Variants in TRIOBP observed in about 807,000 individuals in gnomAD.
TRIOBP encodes the protein TRIO and F-actin-binding protein.
Under a neutral mutation model 238.8 loss-of-function variants are expected in TRIOBP, and 169 were observed. The observed-to-expected ratio is 0.71, with a 90% CI of 0.62 to 0.80. The LOEUF (loss-of-function observed/expected upper bound fraction) is 0.80. TRIOBP is among the 30% of genes least tolerant of loss of function. The pLI is 0.00. For missense variants in TRIOBP, 2,838 were observed against 3,122.6 expected (o/e 0.91, Z 2.17); for synonymous variants, 1,150 against 1,274.4 (o/e 0.90, Z 2.08).
chr22:37,702,937 C>G (rs996970780), intron 3 of TRIOBP, among the ~76,000 whole-genome samples: 3 of 152,168 alleles, frequency 2.0e-5, no homozygotes, highest in Middle Eastern at 3.4e-3. Context: ...GACACTGCAC[C>G]TGGTCTCAAG....
Position 37,710,456 on chromosome 22 carries a change from G to C in TRIOBP, c.144G>C (p.Val48=), listed in dbSNP as rs1349024140. 8 of 1,613,314 alleles carry C rather than the reference G, an allele frequency of 5.0e-6. No individual in the cohort carries two copies. The highest frequency in any genetic ancestry group is 6.8e-6 in the Non-Finnish European group (8 of 1,180,014). ...QELRSPSGAE[V]PYCDLPRCPP... is the part of the protein sequence containing the mutation. Reference sequence around the variant, plus strand: ...TCAGGAGCCCTTCAGGTGCTGAGGTGCCCTACTGCGACCTGCCTCGATGTC... The same window carrying C: ...TCAGGAGCCCTTCAGGTGCTGAGGTCCCCTACTGCGACCTGCCTCGATGTC... Residue 48 remains valine, a synonymous_variant, in exon 4 of 24, where the codon GTG becomes GTC. Coordinates refer to ENST00000644935, the MANE Select transcript of TRIOBP (RefSeq NM_001039141.3).
intron 11 of TRIOBP, chr22:37,746,480 A>T: frequency 7.5e-7 from 1 of 1,336,764 alleles, no homozygotes; most frequent in South Asian, 1.4e-5. Flanking sequence ...GACCCGAGGC[A>T]GAGCCCAGCC....
chr22:37,772,230 G>T (rs1316459476), intron 22 of TRIOBP, among the ~76,000 whole-genome samples: 1 of 152,172 alleles, frequency 6.6e-6, no homozygotes, highest in Non-Finnish European at 1.5e-5. Flanking sequence ...CATGTTGGTG[G>T]CTCTGTAAGT....
intron 11 of TRIOBP, 75 bp from the exon 12 acceptor site, chr22:37,751,697 G>C (rs762538429): frequency 1.2e-5 from 19 of 1,545,940 alleles, no homozygotes; most frequent in Non-Finnish European, 1.8e-6. Context: ...CAGGGTGGGT[G>C]CAGCACGCTC....
At chr22:37,746,395 C>T (rs1925267144) in intron 11 of TRIOBP, 2 of 1,403,574 alleles carry the variant, frequency 1.4e-6, no homozygotes, top group East Asian at 3.2e-5. Context: ...CTCCTGCTCC[C>T]GCCGCCCTGG....
chr22:37,770,066 CAG>C (rs983770377), intron 21 of TRIOBP, among the ~76,000 whole-genome samples: 118 of 144,800 alleles, frequency 8.1e-4, no homozygotes, highest in Non-Finnish European at 1.3e-3. Flanking sequence ...TTTTTTGAGA[CAG>C]AGTTTTGCTG....
At chr22:37,702,196 C>A (rs561556156) in intron 3 of TRIOBP, among the ~76,000 whole-genome samples, 1 of 152,090 alleles carries the variant, frequency 6.6e-6, no homozygotes, top group East Asian at 1.9e-4. Flanking sequence ...AGAGTGTTTT[C>A]TTTTTCTTTT....
chr22:37,747,152 A>C (rs1925325649), intron 11 of TRIOBP, among the ~76,000 whole-genome samples: 1 of 151,350 alleles, frequency 6.6e-6, no homozygotes, highest in Non-Finnish European at 1.5e-5. Flanking sequence ...TGAGCCTCAC[A>C]GCTGGGTTCG....
In TRIOBP at chr22:37,746,601, C is replaced by T. The variant is rs552561160; in HGVS notation, c.5323-5171C>T. 6.4e-3 allele frequency among the ~76,000 whole-genome samples: 978 copies of T among 152,324 alleles called. 11 individuals carry two copies. The highest frequency in any genetic ancestry group is 0.022 in the African/African-American group (928 of 41,566). ...TCGGCCAGACCGGCCTCACCCTTCC[C>T]GCAGGCTCCTCCTCGCCTTCCCTCG... On this transcript the variant is annotated intron_variant, in intron 11 of 23. Transcript: ENST00000644935.
chr22:37,705,345 A>T (rs993624973), intron 3 of TRIOBP, among the ~76,000 whole-genome samples: 7 of 151,560 alleles, frequency 4.6e-5, no homozygotes, highest in Non-Finnish European at 1.0e-4. Context: ...ACTGTACTCC[A>T]GCCTGGGCAA....
At position 37,741,346 on chromosome 22, in the gene TRIOBP, G is replaced by A. The variant is rs1179026772; in HGVS notation, c.5322+314G>A. 2.0e-5 allele frequency among the ~76,000 whole-genome samples: 3 copies of A among 152,344 alleles called. No homozygotes were observed. In the South Asian group the frequency reaches 6.2e-4, roughly 32 times the overall value. On this transcript the variant is annotated intron_variant, in intron 11 of 23. Transcript: ENST00000644935. ...CAGCCCTGGGCCAACGGGGAGCCAG[G>A]TATGGGGGAAGGGAAGGCGAGCTTA...
At chr22:37,758,289 CT>C (rs984485954) in intron 16 of TRIOBP, 151 bp downstream of exon 16, 104 of 1,055,140 alleles carry the variant, frequency 9.9e-5, no homozygotes, top group Middle Eastern at 6.0e-4. Flanking sequence ...CTCCTGCGAA[CT>C]AGAATCTTCT....
chr22:37,726,481 C>CAAGAG lies in TRIOBP; in HGVS notation c.3925_3926insAAGAG (p.Arg1309GlnfsTer49). The CAAGAG allele has an allele frequency of 6.5e-7, 1 of 1,535,862 alleles. No homozygotes were observed. Among genetic ancestry groups the CAAGAG allele is most frequent in the Non-Finnish European group, 8.7e-7 (1 of 1,146,922 alleles). On this transcript the variant is annotated frameshift_variant, in exon 7 of 24. Coordinates refer to ENST00000644935, the MANE Select transcript of TRIOBP (RefSeq NM_001039141.3). LOFTEE classifies it high-confidence loss of function. ...CAGCCCTGGCCGTGCAGAGGTGGAGCGCCTCTTCGGGCAAGAGCGCAGGTG... is the reference window on the plus strand; with the variant it reads ...CAGCCCTGGCCGTGCAGAGGTGGAGCAAGAGGCCTCTTCGGGCAAGAGCGCAGGTG...
chr22:37,724,978 A>G lies in TRIOBP; in HGVS notation c.2422A>G (p.Arg808Gly), dbSNP rs772092162. Residue 808 changes from arginine to glycine, a missense_variant, in exon 7 of 24, where the codon AGA (arginine) becomes GGA (glycine). By Grantham distance (125) the Arg-to-Gly change is moderately radical. Transcript: ENST00000644935. ...CAATCTCAGAGCCTCCTCTCCCATC[A>G]GAGCCACCCAACAGGACAACCCCAG... Reference protein sequence around the residue: ...RDNLRASSPIRATQQDNPRTC... With the variant: ...RDNLRASSPIGATQQDNPRTC... The G allele has an allele frequency of 2.5e-6, 4 of 1,613,892 alleles. No homozygotes were observed. The highest frequency in any genetic ancestry group is 3.4e-6 in the Non-Finnish European group (4 of 1,179,886).
chr22:37,757,697 C>A lies in TRIOBP; in HGVS notation c.5772C>A (p.Gly1924=). Residue 1924 remains glycine (G), a synonymous_variant, in exon 16 of 24, where the codon GGC becomes GGA. Coordinates refer to ENST00000644935, the MANE Select transcript of TRIOBP (RefSeq NM_001039141.3). Reference sequence around the variant, plus strand: ...TGAAGGCAGGGGAGCAGCGGGCGGGCTCTGAGGTCATCAGCCGGGGTGGCC... The same window carrying A: ...TGAAGGCAGGGGAGCAGCGGGCGGGATCTGAGGTCATCAGCCGGGGTGGCC... The part of the protein sequence containing the change: ...GPLKAGEQRA[G]SEVISRGGPR... The A allele has an allele frequency of 6.3e-7, 1 of 1,584,424 alleles. No homozygotes were observed. Among genetic ancestry groups the A allele is most frequent in the Non-Finnish European group, 8.6e-7 (1 of 1,166,580 alleles).
rs536814586 is a variant in TRIOBP at position 37,756,290 on chromosome 22, G to A, written c.5687+631G>A. On this transcript the variant is annotated intron_variant, in intron 15 of 23. Coordinates refer to ENST00000644935, the MANE Select transcript of TRIOBP (RefSeq NM_001039141.3). Reference sequence around the variant, plus strand: ...AGCCTGGGCAATATAGTGAGACCTCGTCCCTACAAAAAATTTAAAAATCAG... The same window carrying A: ...AGCCTGGGCAATATAGTGAGACCTCATCCCTACAAAAAATTTAAAAATCAG... Among the ~76,000 whole-genome samples, 18 of 152,214 alleles carry A rather than the reference G, an allele frequency of 1.2e-4. No individual in the cohort carries two copies. In the East Asian group the frequency reaches 2.1e-3, roughly 18 times the overall value.
intron 6 of TRIOBP, among the ~76,000 whole-genome samples, chr22:37,722,359 C>G (rs1407327381): frequency 6.8e-6 from 1 of 148,016 alleles, no homozygotes. Context: ...ACCCAGGAGG[C>G]TTAGGTTGCG....
Position 37,769,245 on chromosome 22 carries a change from C to A in TRIOBP, c.6736-17C>A, listed in dbSNP as rs753899721. ...TGGGTCCCGGCACCCCTCCCCTGAC[C>A]ACCGTGCCTCTCCCAGGAGCTGCAT... is the stretch of plus-strand genomic sequence containing the variant. On this transcript the variant is annotated splice_polypyrimidine_tract_variant and intron_variant, in intron 20 of 23. Transcript: ENST00000644935. The A allele has an allele frequency of 6.2e-7, 1 of 1,607,436 alleles. No individual in the cohort carries two copies. The highest frequency in any genetic ancestry group is 2.3e-5 in the East Asian group (1 of 44,414).
chr22:37,705,490 G>A (rs1274502736), intron 3 of TRIOBP, among the ~76,000 whole-genome samples: 1 of 152,062 alleles, frequency 6.6e-6, no homozygotes, highest in Non-Finnish European at 1.5e-5. Flanking sequence ...GACAAGGATG[G>A]AGAATGGGGG....
Sources: gnomAD v4.1 joint callset for allele counts (sites outside exome capture counted in the v4.1 genomes callset) on GRCh38, gnomAD v4.1.1 for gene constraint, MANE v1.5 for transcripts, NCBI Gene and HGNC (gene_info 2026-07-23, HGNC 2026-07-21) for gene names.